Variants in RAE1 observed in about 807,000 individuals in gnomAD.
RAE1 encodes the protein ribonucleic acid export 1.
Under a neutral mutation model 52.7 loss-of-function variants are expected in RAE1, and 13 were observed. That is an observed-to-expected ratio of 0.25 (90% CI 0.16 to 0.39). The LOEUF (loss-of-function observed/expected upper bound fraction) is 0.39. RAE1 is among the 10% of genes least tolerant of loss of function. The pLI is 1.00. For missense variants in RAE1, 262 were observed against 459.8 expected (o/e 0.57, Z 3.93); for synonymous variants, 164 against 153.1 (o/e 1.07, Z -0.52).
chr20:57,373,861 A>C, intron 10 of RAE1, 123 bp downstream of exon 10: 1 of 1,039,862 alleles, frequency 9.6e-7, no homozygotes, highest in Non-Finnish European at 1.5e-6. Flanking sequence ...GTCCGGAGAT[A>C]AGTGGCTTAT....
intron 8 of RAE1, among the ~76,000 whole-genome samples, chr20:57,370,638 C>T (rs768628676): frequency 3.7e-4 from 56 of 152,370 alleles, no homozygotes; most frequent in Admixed American, 7.8e-4. Flanking sequence ...CATTCTGTAG[C>T]TCTTTATTCA....
At chr20:57,364,867 G>T (rs1405323504) in intron 4 of RAE1, among the ~76,000 whole-genome samples, 1 of 152,160 alleles carries the variant, frequency 6.6e-6, no homozygotes, top group Non-Finnish European at 1.5e-5. Flanking sequence ...ATTAGATAGG[G>T]ACCGAATAAA....
At chr20:57,370,042 C>T (rs1372200855) in intron 8 of RAE1, among the ~76,000 whole-genome samples, 1 of 152,200 alleles carries the variant, frequency 6.6e-6, no homozygotes, top group African/African-American at 2.4e-5. Flanking sequence ...TCTCCCTTAG[C>T]ACTGACACTA....
Position 57,374,654 on chromosome 20 carries a change from G to A in RAE1, c.873G>A (p.Val291=). ...FHPVHGTLAT[V]GSDGRFSFWD... ...CTGTTCATGGCACCCTTGCAACTGTGGGATCTGATGGTAGATTCAGCTTCT... is the reference window on the plus strand; with the variant it reads ...CTGTTCATGGCACCCTTGCAACTGTAGGATCTGATGGTAGATTCAGCTTCT... Residue 291 remains valine (V), a synonymous_variant, in exon 11 of 12, where the codon GTG becomes GTA. Transcript: ENST00000395841. 2 of 1,614,162 alleles carry A rather than the reference G, an allele frequency of 1.2e-6. No homozygotes were observed. The highest frequency in any genetic ancestry group is 1.7e-6 in the Non-Finnish European group (2 of 1,180,034).
At chr20:57,354,205 G>T (rs1490211316) in intron 2 of RAE1, 77 bp downstream of exon 2, 1 of 1,277,548 alleles carries the variant, frequency 7.8e-7, no homozygotes, top group Non-Finnish European at 1.1e-6. Context: ...AACCCGAGAT[G>T]ACTTGGGAGC....
Position 57,374,750 on chromosome 20 carries a change from C to G in RAE1, c.969C>G (p.Phe323Leu), listed in dbSNP as rs752204004. Reference sequence around the variant, plus strand: ...ATCAGCCCATCTCAGCTTGCTGTTTCAATCACAATGGAAACATATTTGCAT... The same window carrying G: ...ATCAGCCCATCTCAGCTTGCTGTTTGAATCACAATGGAAACATATTTGCAT... ...QLDQPISACC[F>L]NHNGNIFAYA... The change falls in exon 11 of 12, where the codon TTC becomes TTG. Residue 323 changes from phenylalanine to leucine, a missense_variant. Coordinates refer to ENST00000395841, the MANE Select transcript of RAE1 (RefSeq NM_003610.4). 5 of 1,614,194 alleles carry G rather than the reference C, an allele frequency of 3.1e-6. No individual in the cohort carries two copies. In the Admixed American group the frequency reaches 6.7e-5, roughly 22 times the overall value.
rs756250267 is a variant in RAE1, at chr20:57,378,112, C to G, written c.*13C>G. On this transcript the variant is annotated 3_prime_UTR_variant, in exon 12 of 12. Coordinates refer to ENST00000395841, the MANE Select transcript of RAE1 (RefSeq NM_003610.4). ...GAATAAGAAGTAGTGGCTGGAGACT[C>G]TGGCTCAGCCAGAGTTGTTTCTCTC... 2.5e-6 allele frequency: 4 copies of G among 1,587,966 alleles called. No individual in the cohort carries two copies. The African/African-American group carries it at 4.0e-5, about 16-fold the overall frequency.
chr20:57,362,824 C>T (rs1401575842), intron 4 of RAE1, among the ~76,000 whole-genome samples: 1 of 152,144 alleles, frequency 6.6e-6, no homozygotes, highest in Non-Finnish European at 1.5e-5. Flanking sequence ...TGCTCTGTAG[C>T]CCAGGAGTGC....
intron 11 of RAE1, among the ~76,000 whole-genome samples, chr20:57,376,124 C>T (rs1035219254): frequency 2.6e-5 from 4 of 152,210 alleles, no homozygotes; most frequent in Non-Finnish European, 4.4e-5. Flanking sequence ...CCTGAGGCCC[C>T]GAACTTAGAC....
intron 4 of RAE1, among the ~76,000 whole-genome samples, chr20:57,364,999 T>C (rs2146153991): frequency 6.6e-6 from 1 of 152,358 alleles, no homozygotes; most frequent in Middle Eastern, 3.4e-3. Context: ...TTGCAACTTT[T>C]CTGAAGGCTT....
intron 4 of RAE1, among the ~76,000 whole-genome samples, chr20:57,364,840 A>G (rs2066933191): frequency 6.6e-6 from 1 of 152,242 alleles, no homozygotes; most frequent in South Asian, 2.1e-4. Flanking sequence ...GCTTTATTGC[A>G]TGTACTTGGA....
intron 1 of RAE1, 107 bp downstream of exon 1, chr20:57,351,529 G>C (rs868321627): frequency 3.0e-6 from 3 of 985,470 alleles, no homozygotes; most frequent in African/African-American, 1.7e-5. Context: ...GGGCGCGAGC[G>C]GGACTGTTGA....
In RAE1 at chr20:57,378,343, G is replaced by C. The variant is rs1440544262; in HGVS notation, c.*244G>C. ...GGGGTTGAGGTTATTGTAGACGTTA[G>C]ATTGCGGGCACCGCCAGGGATTTTG... On this transcript the variant is annotated 3_prime_UTR_variant, in exon 12 of 12. Transcript: ENST00000395841. 2.2e-6 allele frequency: 1 copy of C among 445,816 alleles called. No individual in the cohort carries two copies. The highest frequency in any genetic ancestry group is 4.0e-6 in the Non-Finnish European group (1 of 248,436). 27.6% of individuals were successfully genotyped at this position (445,816 alleles called of 1,614,324 possible).
intron 11 of RAE1, among the ~76,000 whole-genome samples, chr20:57,376,818 G>A (rs1361735853): frequency 2.6e-5 from 4 of 152,284 alleles, no homozygotes; most frequent in South Asian, 4.1e-4. Context: ...CTTAAATGAC[G>A]CGGGACTCTA....
At position 57,369,073 on chromosome 20, in the gene RAE1, T is replaced by G. The variant is rs148366813; in HGVS notation, c.642+261T>G. Among the ~76,000 whole-genome samples the G allele has an allele frequency of 2.6e-3, 395 of 152,344 alleles. 1 individual carries two copies. The highest frequency in any genetic ancestry group is 9.0e-3 in the African/African-American group (373 of 41,580). ...TGAATTGTAGGGGCCAAGGGAAAACTTCTCCTTTGCCCTCTGAAGGGGTTC... is the reference window on the plus strand; with the variant it reads ...TGAATTGTAGGGGCCAAGGGAAAACGTCTCCTTTGCCCTCTGAAGGGGTTC... On this transcript the variant is annotated intron_variant, in intron 8 of 11. Transcript: ENST00000395841.
chr20:57,362,972 G>A (rs1600715897), intron 4 of RAE1, among the ~76,000 whole-genome samples: 1 of 152,052 alleles, frequency 6.6e-6, no homozygotes, highest in Admixed American at 6.5e-5. Flanking sequence ...GTAGAGATGG[G>A]GTTTCGCCAT....
In RAE1 at chr20:57,374,614, G is replaced by A; in HGVS notation, c.833G>A (p.Gly278Glu). The A allele has an allele frequency of 6.2e-7, 1 of 1,611,702 alleles. No individual in the cohort carries two copies. Residue 278 changes from glycine to glutamate, a missense_variant, in exon 11 of 12, where the codon GGA becomes GAA. Coordinates refer to ENST00000395841, the MANE Select transcript of RAE1 (RefSeq NM_003610.4). ...GCATGTCAATCCTTGCAGGTAAATG[G>A]AATCGCGTTCCATCCTGTTCATGGC... ...SAPQDIYAVN[G>E]IAFHPVHGTL...
rs76754357 is a variant in RAE1 at position 57,355,987 on chromosome 20, G to A, written c.196-459G>A. Among the ~76,000 whole-genome samples the A allele has an allele frequency of 5.4e-3, 828 of 152,332 alleles. 7 individuals carry two copies. Among genetic ancestry groups the A allele is most frequent in the African/African-American group, 0.012 (491 of 41,564 alleles). On this transcript the variant is annotated intron_variant, in intron 3 of 11. Transcript: ENST00000395841. ...TATGCGTACATGGAAAGAAGACTAAGAGCACACAGAACCATTAGCTGTGGT... is the reference window on the plus strand; with the variant it reads ...TATGCGTACATGGAAAGAAGACTAAAAGCACACAGAACCATTAGCTGTGGT...
rs202154846 is a variant in RAE1, at chr20:57,368,729, A to G, written c.559A>G (p.Thr187Ala). 5 of 1,613,564 alleles carry G rather than the reference A, an allele frequency of 3.1e-6. No individual in the cohort carries two copies. Among genetic ancestry groups the G allele is most frequent in the East Asian group, 2.2e-5 (1 of 44,876 alleles). The change falls in exon 8 of 12, where the codon ACT (threonine) becomes GCT (alanine). Residue 187 changes from threonine (T) to alanine (A), a missense_variant. Physicochemically the swap from Thr to Ala is moderately conservative, Grantham distance 58. Transcript: ENST00000395841. ...DVIYPMAVVA[T>A]AERGLIVYQL... ...GATATACCCCATGGCTGTGGTGGCA[A>G]CTGCAGAGAGGGGCCTGATTGTCTA...
Sources: gnomAD v4.1 joint callset for allele counts (sites outside exome capture counted in the v4.1 genomes callset) on GRCh38, gnomAD v4.1.1 for gene constraint, MANE v1.5 for transcripts, NCBI Gene and HGNC (gene_info 2026-07-23, HGNC 2026-07-21) for gene names.